RBPJ: variants seen among roughly 807,000 people sequenced by gnomAD.
RBPJ encodes the protein recombining binding protein suppressor of hairless.
In RBPJ, 9 loss-of-function variants were observed where a neutral mutation model predicts 67.8. The ratio of observed to expected loss-of-function variants is 0.13; its 90% CI spans 0.08 to 0.23. RBPJ has a LOEUF of 0.23. RBPJ is among the 10% of genes least tolerant of loss of function. The pLI is 1.00. For missense variants in RBPJ, 305 were observed against 595.6 expected (o/e 0.51, Z 5.08); for synonymous variants, 198 against 203.3 (o/e 0.97, Z 0.22).
At chr4:26,116,139 TTC>T in the RBPJ span, among the ~76,000 whole-genome samples, 1 of 152,252 alleles carries the variant, frequency 6.6e-6, no homozygotes, top group Admixed American at 6.5e-5. Context: ...TTCCAACATT[TTC>T]TGTTTGTGCT....
intron 1 of RBPJ, among the ~76,000 whole-genome samples, chr4:26,331,017 A>T (rs1264514033): frequency 6.6e-6 from 1 of 152,192 alleles, no homozygotes; most frequent in Admixed American, 6.5e-5. Context: ...GTACCCATTC[A>T]TTTACACAGA....
chr4:26,205,020 G>A (rs925435276), intron 1 of RBPJ, among the ~76,000 whole-genome samples: 3 of 152,152 alleles, frequency 2.0e-5, no homozygotes, highest in Non-Finnish European at 4.4e-5. Context: ...GGCGCCAGGG[G>A]CCACGTGGCT....
In RBPJ at chr4:26,430,286, A is replaced by G. The variant is rs1272966115; in HGVS notation, c.1045-133A>G. The G allele has an allele frequency of 1.0e-5, 9 of 871,620 alleles. No individual in the cohort carries two copies. Among genetic ancestry groups the G allele is most frequent in the Non-Finnish European group, 1.6e-5 (9 of 553,382 alleles). 54.0% of individuals were successfully genotyped at this position (871,620 alleles called of 1,614,324 possible). On this transcript the variant is annotated intron_variant, in intron 9 of 10. Coordinates refer to ENST00000355476, the MANE Select transcript of RBPJ (RefSeq NM_015874.6). The surrounding 1 kb of genome is among the most constrained non-coding windows in gnomAD (Gnocchi z 4.1). The stretch of plus-strand genomic sequence containing the variant: ...ATGTTATCTTGAAATGTTTTTAGCT[A>G]GCTTTGTAATAAAAAACATTTTAAT...
the RBPJ span, among the ~76,000 whole-genome samples, chr4:26,132,426 T>TCCAGAGCTGCTCATGGCACCTGCTCCTC: frequency 2.0e-5 from 3 of 152,016 alleles, no homozygotes; most frequent in South Asian, 2.1e-4. Flanking sequence ...TGAGCTCCCT[T>TCCAGAGCTGCTCATGGCACCTGCTCCTC]CCAGAGCTGC....
At chr4:26,420,860 C>CT in intron 5 of RBPJ, 135 bp downstream of exon 5, 1 of 697,812 alleles carries the variant, frequency 1.4e-6, no homozygotes, top group South Asian at 2.4e-5. Context: ...TTTATTGTCT[C>CT]TCTTTTTTTA....
chr4:26,378,830 C>T (rs570934866), intron 1 of RBPJ, among the ~76,000 whole-genome samples: 9 of 152,198 alleles, frequency 5.9e-5, no homozygotes, highest in African/African-American at 1.9e-4. Context: ...AGTTCAAGAC[C>T]AGCCTGGCAA....
intron 3 of RBPJ, among the ~76,000 whole-genome samples, chr4:26,409,284 C>T (rs904566798): frequency 7.2e-5 from 11 of 151,910 alleles, no homozygotes; most frequent in Non-Finnish European, 1.3e-4. Flanking sequence ...TTAAAAAATA[C>T]GGCCCGGCAT....
At chr4:26,244,316 T>TATGTATACAC (rs1719811563) in intron 1 of RBPJ, among the ~76,000 whole-genome samples, 1 of 1,006 alleles carries the variant, frequency 9.9e-4, no homozygotes. Flanking sequence ...CATATGTGTG[T>TATGTATACAC]ATATGTATAC....
chr4:26,315,805 C>A (rs1157509192), upstream of RBPJ, among the ~76,000 whole-genome samples: 1 of 152,096 alleles, frequency 6.6e-6, no homozygotes, highest in Non-Finnish European at 1.5e-5. Context: ...GAATGCAATT[C>A]TTTTCCCAGA....
At chr4:26,323,475 C>T (rs1723300128) in intron 1 of RBPJ, among the ~76,000 whole-genome samples, 1 of 152,192 alleles carries the variant, frequency 6.6e-6, no homozygotes, top group South Asian at 2.1e-4. Flanking sequence ...ATTATAACAG[C>T]AGCATATTTC....
the RBPJ span, among the ~76,000 whole-genome samples, chr4:26,109,162 C>A: frequency 1.4e-5 from 2 of 142,428 alleles, no homozygotes; most frequent in African/African-American, 5.2e-5. Flanking sequence ...GGCTGGAGTG[C>A]GGTGGTGTGA....
chr4:26,300,330 G>C (rs1328965220), intron 1 of RBPJ, among the ~76,000 whole-genome samples: 1 of 152,142 alleles, frequency 6.6e-6, no homozygotes, highest in African/African-American at 2.4e-5. Flanking sequence ...TTCAGAATTT[G>C]AATGCTCATC....
chr4:26,363,713 A>G (rs899744852), intron 1 of RBPJ, among the ~76,000 whole-genome samples: 4 of 152,230 alleles, frequency 2.6e-5, no homozygotes, highest in Non-Finnish European at 4.4e-5. Context: ...TGCTGGGATT[A>G]CAGGCATGAG....
chr4:26,189,633 G>A (rs1239064346), intron 1 of RBPJ, among the ~76,000 whole-genome samples: 2 of 152,018 alleles, frequency 1.3e-5, no homozygotes, highest in African/African-American at 4.8e-5. Context: ...ACTCCAGCCT[G>A]GGAAACAGAG....
chr4:26,229,115 T>C (rs1357519411), intron 1 of RBPJ, among the ~76,000 whole-genome samples: 1 of 152,214 alleles, frequency 6.6e-6, no homozygotes, highest in African/African-American at 2.4e-5. Flanking sequence ...AAACCCCAAG[T>C]TAGGCAACAG....
the RBPJ span, among the ~76,000 whole-genome samples, chr4:26,149,247 C>T: frequency 6.6e-6 from 1 of 152,210 alleles, no homozygotes; most frequent in African/African-American, 2.4e-5. Flanking sequence ...AACTCCCCAA[C>T]TTCAATGTTG....
chr4:26,197,348 C>T (rs1717805758), intron 1 of RBPJ, among the ~76,000 whole-genome samples: 1 of 152,172 alleles, frequency 6.6e-6, no homozygotes, highest in African/African-American at 2.4e-5. Flanking sequence ...ACCTCTGCCC[C>T]ATCCCGGTCC....
chr4:26,295,305 C>T (rs1415828147), intron 1 of RBPJ, among the ~76,000 whole-genome samples: 1 of 148,260 alleles, frequency 6.7e-6, no homozygotes, highest in Non-Finnish European at 1.5e-5. Flanking sequence ...TGTGGGTCTT[C>T]CACACATGCA....
At chr4:26,223,689 C>T (rs1233975918) in intron 1 of RBPJ, among the ~76,000 whole-genome samples, 3 of 152,120 alleles carry the variant, frequency 2.0e-5, no homozygotes, top group African/African-American at 7.2e-5. Flanking sequence ...CTATAGGAGG[C>T]ATAGTCAGTA....
Sources: allele counts gnomAD v4.1 joint callset (sites outside exome capture counted in the v4.1 genomes callset), GRCh38; gene constraint gnomAD v4.1.1; non-coding constraint Gnocchi (gnomAD v3.1); transcripts MANE v1.5; gene names NCBI Gene and HGNC (gene_info 2026-07-23, HGNC 2026-07-21).